Variants in GGNBP2 observed in about 807,000 individuals in gnomAD.
The protein encoded by GGNBP2 is gametogenetin binding protein 2.
A neutral mutation model predicts 85.9 loss-of-function variants in GGNBP2; 10 were observed. The ratio of observed to expected loss-of-function variants is 0.12; its 90% CI spans 0.07 to 0.20. GGNBP2 has a LOEUF of 0.20. Ranked by LOEUF, GGNBP2 falls within the 10% of genes least tolerant of loss-of-function variation. GGNBP2 has a pLI of 1.00. For synonymous variants in GGNBP2, 287 were observed against 285.7 expected, an observed-to-expected ratio of 1.00 and a Z score of -0.05; for missense variants, 595 against 857.8, an observed-to-expected ratio of 0.69 and a Z score of 3.83.
chr17:36,557,112 A>G lies in GGNBP2; in HGVS notation c.204A>G (p.Leu68=). The change falls in exon 4 of 14, where the codon CTA becomes CTG. Residue 68 remains leucine, a synonymous_variant. Coordinates refer to ENST00000613102, the MANE Select transcript of GGNBP2 (RefSeq NM_024835.5). The part of the protein sequence containing the change: ...QRHGMLKQQD[L]SIAMVVTSRE... ...ATGGTATGCTTAAGCAACAGGATCT[A>G]AGTATTGCCATGGTGGTGACATCAC... 1 of 1,614,120 alleles carries G rather than the reference A, an allele frequency of 6.2e-7. No individual in the cohort carries two copies. Among genetic ancestry groups the G allele is most frequent in the Non-Finnish European group, 8.5e-7 (1 of 1,180,034 alleles).
chr17:36,549,426 G>A (rs1313147327), intron 2 of GGNBP2, among the ~76,000 whole-genome samples: 1 of 152,144 alleles, frequency 6.6e-6, no homozygotes, highest in African/African-American at 2.4e-5. Context: ...GGCTGGTCTT[G>A]AACTCCTGAC....
At chr17:36,576,468 C>T (rs959476167) in intron 6 of GGNBP2, among the ~76,000 whole-genome samples, 19 of 117,750 alleles carry the variant, frequency 1.6e-4, no homozygotes, top group African/African-American at 6.2e-4. Flanking sequence ...GCAGGAGAAT[C>T]GCTTGAACCC....
intron 2 of GGNBP2, among the ~76,000 whole-genome samples, chr17:36,550,993 A>C (rs1055276708): frequency 2.0e-5 from 3 of 152,186 alleles, no homozygotes; most frequent in African/African-American, 7.2e-5. Context: ...CCATTGTCCT[A>C]AGTGTTTGAA....
chr17:36,578,178 C>T lies in GGNBP2; in HGVS notation c.837C>T (p.Phe279=), dbSNP rs772415304. The T allele has an allele frequency of 1.2e-5, 20 of 1,607,910 alleles. No homozygotes were observed. The highest frequency in any genetic ancestry group is 8.5e-6 in the Non-Finnish European group (10 of 1,174,954). ...TTTTGGGTCGTGCTGAGCCAGAGTTCGCAGGAGGGTATGAGTATGTAATTT... is the reference window on the plus strand; with the variant it reads ...TTTTGGGTCGTGCTGAGCCAGAGTTTGCAGGAGGGTATGAGTATGTAATTT... ...AHLLGRAEPE[F]AGGRRERHAK... Residue 279 remains phenylalanine, a synonymous_variant, in exon 7 of 14, where the codon TTC becomes TTT. Coordinates refer to ENST00000613102, the MANE Select transcript of GGNBP2 (RefSeq NM_024835.5).
intron 4 of GGNBP2, among the ~76,000 whole-genome samples, chr17:36,559,160 G>A (rs1029938069): frequency 6.6e-6 from 1 of 151,016 alleles, no homozygotes; most frequent in South Asian, 2.1e-4. Context: ...TTAGCCGGGC[G>A]TGGTGGCAGG....
chr17:36,548,203 T>C (rs1425520662), intron 2 of GGNBP2, among the ~76,000 whole-genome samples: 1 of 152,248 alleles, frequency 6.6e-6, no homozygotes, highest in East Asian at 1.9e-4. Context: ...ATAGTTACAA[T>C]GTTTACAGGC....
intron 4 of GGNBP2, among the ~76,000 whole-genome samples, chr17:36,558,438 A>AAT (rs2074384901): frequency 1.4e-5 from 2 of 143,316 alleles, no homozygotes; most frequent in African/African-American, 2.6e-5. Flanking sequence ...AAAAAAAAAA[A>AAT]GGTAATAAAA....
chr17:36,556,620 C>T (rs2074363814), intron 3 of GGNBP2, among the ~76,000 whole-genome samples: 1 of 152,016 alleles, frequency 6.6e-6, no homozygotes, highest in Admixed American at 6.6e-5. Flanking sequence ...AGGAGAATTG[C>T]TTGAACCCAG....
intron 3 of GGNBP2, among the ~76,000 whole-genome samples, chr17:36,555,689 T>G (rs2074354791): frequency 6.6e-6 from 1 of 152,132 alleles, no homozygotes; most frequent in South Asian, 2.1e-4. Flanking sequence ...GAGTGAGACC[T>G]TGTCTCAGAA....
intron 2 of GGNBP2, among the ~76,000 whole-genome samples, chr17:36,549,038 A>G (rs1004827895): frequency 6.6e-6 from 1 of 152,218 alleles, no homozygotes; most frequent in Non-Finnish European, 1.5e-5. Flanking sequence ...ACCTGAGTAT[A>G]GGATAGGGCT....
At chr17:36,556,982 C>T (rs1276142368) in intron 3 of GGNBP2, 101 bp from the exon 4 acceptor site, 9 of 1,387,290 alleles carry the variant, frequency 6.5e-6, no homozygotes, top group Non-Finnish European at 9.0e-6. Context: ...AAACCCTGGC[C>T]AGGTTGTACT....
chr17:36,549,258 A>G (rs1240643355), intron 2 of GGNBP2, among the ~76,000 whole-genome samples: 1 of 152,034 alleles, frequency 6.6e-6, no homozygotes, highest in Non-Finnish European at 1.5e-5. Context: ...GCTGGAGTAC[A>G]GTGGCCTGAT....
At chr17:36,550,528 G>A (rs538543413) in intron 2 of GGNBP2, among the ~76,000 whole-genome samples, 48 of 152,306 alleles carry the variant, frequency 3.2e-4, no homozygotes, top group African/African-American at 1.1e-3. Flanking sequence ...ACAAATAGCT[G>A]TGTGGAGTAA....
chr17:36,556,658 T>C (rs894798046), intron 3 of GGNBP2, among the ~76,000 whole-genome samples: 2 of 151,668 alleles, frequency 1.3e-5, no homozygotes, highest in Non-Finnish European at 2.9e-5. Flanking sequence ...GAGCTGAGAT[T>C]GTGCTACTGC....
At chr17:36,583,040 T>C (rs1354253193) in intron 9 of GGNBP2, among the ~76,000 whole-genome samples, 1 of 152,222 alleles carries the variant, frequency 6.6e-6, no homozygotes, top group Non-Finnish European at 1.5e-5. Flanking sequence ...AATGTTCATC[T>C]TAAAAGGAAT....
chr17:36,573,679 A>G (rs960040821), intron 6 of GGNBP2, among the ~76,000 whole-genome samples: 1 of 151,914 alleles, frequency 6.6e-6, no homozygotes, highest in Non-Finnish European at 1.5e-5. Context: ...CCTCAGTAAC[A>G]CTTGTTATTT....
At chr17:36,575,236 G>GATGCC in intron 6 of GGNBP2, 1 of 634,880 alleles carries the variant, frequency 1.6e-6, no homozygotes, top group Non-Finnish European at 2.9e-6. Context: ...CCCGGCCCCG[G>GATGCC]ATGCCACTGC....
At chr17:36,554,996 G>T (rs1317112320) in intron 3 of GGNBP2, 96 bp downstream of exon 3, 3 of 732,484 alleles carry the variant, frequency 4.1e-6, no homozygotes, top group South Asian at 3.3e-5. Flanking sequence ...GGATTCTCTA[G>T]GTCTTAATAT....
chr17:36,558,142 G>A (rs12951387), intron 4 of GGNBP2, among the ~76,000 whole-genome samples: 45,282 of 151,332 alleles, frequency 0.3, 8,244 homozygotes, highest in Non-Finnish European at 0.41. Context: ...GACTGGGCGC[G>A]GTGGCTCACG....
Sources: allele counts gnomAD v4.1 joint callset (sites outside exome capture counted in the v4.1 genomes callset), GRCh38; gene constraint gnomAD v4.1.1; transcripts MANE v1.5; gene names NCBI Gene and HGNC (gene_info 2026-07-23, HGNC 2026-07-21).